The following DDX60 variants were observed in gnomAD, a reference collection of about 807,000 sequenced individuals.
The protein encoded by DDX60 is DExD/H-box helicase 60.
Under a neutral mutation model 212.8 loss-of-function variants are expected in DDX60, and 165 were observed. The ratio of observed to expected loss-of-function variants is 0.78; its 90% CI spans 0.68 to 0.88. The LOEUF is 0.88. DDX60 is among the 40% of genes least tolerant of loss of function. The pLI is 0.00. For synonymous variants in DDX60, 703 were observed against 685.3 expected (o/e 1.03, Z -0.40); for missense variants, 1,905 against 2,003.9 (o/e 0.95, Z 0.94).
intron 19 of DDX60, among the ~76,000 whole-genome samples, chr4:168,270,875 CT>C (rs759054592): frequency 9.0e-4 from 100 of 110,856 alleles, no homozygotes; most frequent in South Asian, 2.9e-3. Flanking sequence ...TTCTTTCTTT[CT>C]TTTTTTTTTT....
intron 8 of DDX60, among the ~76,000 whole-genome samples, chr4:168,290,953 T>A (rs1360563176): frequency 6.6e-6 from 1 of 152,152 alleles, no homozygotes; most frequent in Non-Finnish European, 1.5e-5. Context: ...TAATGATCCT[T>A]AAAAAAAGTT....
rs375984589 is a variant in DDX60, at chr4:168,293,898, A to T, written c.771T>A (p.Ser257=). ...TAACACAAAAGACACGCCGAATGTC[A>T]GATCCTTCTGGCCAGACTTGTGTAA... ...SLLTQVWPEG[S]DIRRVFCVTS... is the part of the protein sequence containing the mutation. The change falls in exon 7 of 38, where the codon TCT becomes TCA. Residue 257 remains serine (S), a synonymous_variant. Coordinates refer to ENST00000393743, the MANE Select transcript of DDX60 (RefSeq NM_017631.6). The T allele has an allele frequency of 1.5e-5, 24 of 1,613,984 alleles. No individual in the cohort carries two copies. In the African/African-American group the frequency reaches 2.9e-4, roughly 20 times the overall value.
Position 168,248,243 on chromosome 4 carries a change from T to A in DDX60, c.3908A>T (p.Lys1303Ile), listed in dbSNP as rs1166011006. 6.2e-7 allele frequency: 1 copy of A among 1,610,664 alleles called. No homozygotes were observed. Among genetic ancestry groups the A allele is most frequent in the African/African-American group, 1.3e-5 (1 of 74,762 alleles). The change falls in exon 29 of 38, where the codon AAA becomes ATA. Residue 1303 changes from lysine to isoleucine, a missense_variant. Lys to Ile is a moderately radical substitution (Grantham distance 102). Transcript: ENST00000393743. ...TLALGVNMPC[K>I]SVVFAQNSVY... ...TGAGTTTTGAGCAAAAACCACAGAT[T>A]TACAAGGCATGTTGACACCTAAAGC... is the stretch of plus-strand genomic sequence containing the variant.
At chr4:168,263,238 T>C (rs914459250) in intron 22 of DDX60, among the ~76,000 whole-genome samples, 4 of 152,236 alleles carry the variant, frequency 2.6e-5, no homozygotes, top group Middle Eastern at 3.4e-3. Flanking sequence ...AAGAACTGGG[T>C]CAACTTCAAG....
intron 13 of DDX60, among the ~76,000 whole-genome samples, chr4:168,281,142 A>T (rs1007458882): frequency 2.0e-5 from 3 of 152,206 alleles, no homozygotes; most frequent in Non-Finnish European, 4.4e-5. Flanking sequence ...TCTGTCTCAG[A>T]AAAATAAAAA....
intron 6 of DDX60, among the ~76,000 whole-genome samples, chr4:168,296,842 T>TCAAA (rs796888212): frequency 9.9e-4 from 149 of 150,638 alleles, no homozygotes; most frequent in African/African-American, 3.3e-3. Context: ...ATGGATATAC[T>TCAAA]CAAACAAGCA....
chr4:168,312,727 CAGATAGAT>C (rs61439775), intron 1 of DDX60, among the ~76,000 whole-genome samples: 10 of 150,060 alleles, frequency 6.7e-5, no homozygotes, highest in Middle Eastern at 3.4e-3. Flanking sequence ...GATGGATACA[CAGATAGAT>C]AGATAGATAG....
At chr4:168,293,678 A>T (rs1736211221) in intron 7 of DDX60, 109 bp downstream of exon 7, 12 of 966,044 alleles carry the variant, frequency 1.2e-5, no homozygotes, top group Non-Finnish European at 1.7e-5. Context: ...GTTTATATAA[A>T]TAAGAGAAAA....
intron 6 of DDX60, 21 bp from the exon 7 acceptor site, chr4:168,293,966 A>C (rs764405308): frequency 6.2e-7 from 1 of 1,601,252 alleles, no homozygotes; most frequent in Non-Finnish European, 8.5e-7. Flanking sequence ...AAAAAATTGT[A>C]ATGTGTCATG....
rs1007628624 is a variant in DDX60, at chr4:168,306,229, A to G, written c.606+150T>C. The G allele has an allele frequency of 5.5e-6, 3 of 546,114 alleles. No individual in the cohort carries two copies. In the African/African-American group the frequency reaches 5.6e-5, roughly 10 times the overall value. 33.8% of individuals were successfully genotyped at this position (546,114 alleles called of 1,614,324 possible). On this transcript the variant is annotated intron_variant, in intron 5 of 37. Transcript: ENST00000393743. ...GTGTTTGATAAATGACTGCATTTGCATTATCATTATTTACTTAATATTATT... is the reference window on the plus strand; with the variant it reads ...GTGTTTGATAAATGACTGCATTTGCGTTATCATTATTTACTTAATATTATT...
intron 26 of DDX60, among the ~76,000 whole-genome samples, chr4:168,253,047 C>A (rs576659810): frequency 2.4e-4 from 37 of 152,292 alleles, no homozygotes; most frequent in Admixed American, 1.1e-3. Context: ...TCGTGGTCCA[C>A]CTGCCTCGGC....
intron 23 of DDX60, among the ~76,000 whole-genome samples, chr4:168,262,439 T>C (rs1166660700): frequency 1.3e-5 from 2 of 151,514 alleles, no homozygotes; most frequent in Non-Finnish European, 2.9e-5. Flanking sequence ...GTTCTAGAAG[T>C]TGCAGAAGTT....
chr4:168,225,537 G>T lies in DDX60; in HGVS notation c.4673C>A (p.Ser1558Ter). 1 of 1,602,618 alleles carries T rather than the reference G, an allele frequency of 6.2e-7. No individual in the cohort carries two copies. Among genetic ancestry groups the T allele is most frequent in the South Asian group, 1.1e-5 (1 of 88,668 alleles). Residue 1558 changes from serine (S) to a stop codon, truncating the protein, a stop_gained, in exon 34 of 38, where the codon TCA (serine) becomes TAA (stop). Transcript: ENST00000393743. LOFTEE classifies it high-confidence loss of function. ...DMNQEYQLPL[S>*]KIKFTGKECE... ...AGGTAAAATATACTTACTGATTTTT[G>T]ACAATGGGAGTTGATATTCCTGATT...
chr4:168,270,996 G>A (rs1389469251), intron 19 of DDX60, among the ~76,000 whole-genome samples: 1 of 149,542 alleles, frequency 6.7e-6, no homozygotes, highest in African/African-American at 2.5e-5. Flanking sequence ...TCCTGCCTCA[G>A]CCTCCTGAGT....
chr4:168,279,465 T>C (rs1328090818), intron 14 of DDX60, among the ~76,000 whole-genome samples: 1 of 152,234 alleles, frequency 6.6e-6, no homozygotes, highest in African/African-American at 2.4e-5. Flanking sequence ...CAGCAATTGA[T>C]GCAGACCCTA....
chr4:168,283,441 C>T lies in DDX60; in HGVS notation c.1722+5G>A. On this transcript the variant is annotated splice_donor_5th_base_variant and intron_variant, in intron 13 of 37. Coordinates refer to ENST00000393743, the MANE Select transcript of DDX60 (RefSeq NM_017631.6). ...TTTTAATTGGATAGAATTTATAGAA[C>T]CTACGTGTGCCTTTTTGCTCTTGGG... 1 of 1,612,610 alleles carries T rather than the reference C, an allele frequency of 6.2e-7. No homozygotes were observed. Among genetic ancestry groups the T allele is most frequent in the South Asian group, 1.1e-5 (1 of 90,842 alleles).
At chr4:168,307,598 C>T (rs538798872) in intron 4 of DDX60, among the ~76,000 whole-genome samples, 26 of 152,178 alleles carry the variant, frequency 1.7e-4, no homozygotes, top group Non-Finnish European at 2.9e-4. Context: ...CATGCACCAC[C>T]GTGCCCAGCC....
intron 24 of DDX60, 148 bp downstream of exon 24, chr4:168,261,852 A>G (rs1579013157): frequency 1.1e-6 from 1 of 907,292 alleles, no homozygotes; most frequent in East Asian, 3.0e-5. Flanking sequence ...TTTTTATTCT[A>G]TCTCAGAATT....
chr4:168,305,731 T>C (rs1371403985), intron 5 of DDX60, among the ~76,000 whole-genome samples: 1 of 151,604 alleles, frequency 6.6e-6, no homozygotes, highest in Non-Finnish European at 1.5e-5. Context: ...AATTGTCAAA[T>C]ATACTAATGT....
Sources: allele counts gnomAD v4.1 joint callset (sites outside exome capture counted in the v4.1 genomes callset), GRCh38; gene constraint gnomAD v4.1.1; transcripts MANE v1.5; gene names NCBI Gene and HGNC (gene_info 2026-07-23, HGNC 2026-07-21).